Variants in SPOCK1 observed in about 807,000 individuals in gnomAD.
SPOCK1 encodes the protein SPARC (osteonectin), cwcv and kazal like domains proteoglycan 1.
SPOCK1 carries 23 observed loss-of-function variants against 55.3 expected under a neutral mutation model. That is an observed-to-expected ratio of 0.42 (90% CI 0.30 to 0.59). SPOCK1 has a LOEUF of 0.59. Ranked by LOEUF, SPOCK1 falls within the 20% of genes least tolerant of loss-of-function variation. The pLI is 0.22. For synonymous variants in SPOCK1, 226 were observed against 221.0 expected (o/e 1.02, Z -0.20); for missense variants, 499 against 552.5 (o/e 0.90, Z 0.97).
At chr5:137,020,397 A>G (rs1434705390) in intron 6 of SPOCK1, among the ~76,000 whole-genome samples, 1 of 151,924 alleles carries the variant, frequency 6.6e-6, no homozygotes, top group East Asian at 1.9e-4. Flanking sequence ...GAATCAAAAC[A>G]CAATAAGAGG....
intron 3 of SPOCK1, among the ~76,000 whole-genome samples, chr5:137,213,802 T>G (rs939611129): frequency 6.6e-6 from 1 of 152,170 alleles, no homozygotes; most frequent in African/African-American, 2.4e-5. Flanking sequence ...ATAATGACCT[T>G]CCTCCCATCT....
chr5:136,983,665 A>G (rs1750780489), intron 9 of SPOCK1, among the ~76,000 whole-genome samples: 1 of 151,184 alleles, frequency 6.6e-6, no homozygotes, highest in African/African-American at 2.4e-5. Flanking sequence ...GGTAAGAAGC[A>G]GGTGCTGCTC....
chr5:137,233,404 G>A (rs1000072830), intron 3 of SPOCK1, among the ~76,000 whole-genome samples: 4 of 152,130 alleles, frequency 2.6e-5, no homozygotes, highest in African/African-American at 7.2e-5. Flanking sequence ...TCACAACAGG[G>A]TTCATGTGCC....
intron 3 of SPOCK1, among the ~76,000 whole-genome samples, chr5:137,253,945 C>T (rs1400167762): frequency 6.6e-6 from 1 of 152,230 alleles, no homozygotes. Context: ...TAAAACTATT[C>T]ATAAAGCATT....
At chr5:137,353,158 T>C (rs1459735253) in intron 2 of SPOCK1, among the ~76,000 whole-genome samples, 1 of 152,044 alleles carries the variant, frequency 6.6e-6, no homozygotes, top group Non-Finnish European at 1.5e-5. Flanking sequence ...GGTGGGCGGA[T>C]CGATAGAGCC....
chr5:137,481,823 T>C (rs1401465505), intron 2 of SPOCK1, among the ~76,000 whole-genome samples: 2 of 152,200 alleles, frequency 1.3e-5, no homozygotes, highest in Non-Finnish European at 2.9e-5. Context: ...CTTCCCTGTC[T>C]TCCATTCCCC....
intron 3 of SPOCK1, among the ~76,000 whole-genome samples, chr5:137,228,854 T>C (rs1755998350): frequency 6.6e-6 from 1 of 152,184 alleles, no homozygotes; most frequent in Non-Finnish European, 1.5e-5. Context: ...ACCCAGATAA[T>C]GGATTTACCT....
At chr5:137,121,853 G>C (rs1038138284) in intron 4 of SPOCK1, among the ~76,000 whole-genome samples, 3 of 143,688 alleles carry the variant, frequency 2.1e-5, no homozygotes, top group Non-Finnish European at 4.5e-5. Flanking sequence ...ATAAATATTT[G>C]GTTTTAAATA....
At chr5:137,204,570 T>C (rs997865283) in intron 3 of SPOCK1, among the ~76,000 whole-genome samples, 3 of 151,962 alleles carry the variant, frequency 2.0e-5, no homozygotes, top group African/African-American at 7.3e-5. Context: ...CCCTGTACCA[T>C]AGATTCTACC....
chr5:137,490,012 G>A (rs1030843516), intron 2 of SPOCK1, among the ~76,000 whole-genome samples: 3 of 152,136 alleles, frequency 2.0e-5, no homozygotes, highest in Non-Finnish European at 4.4e-5. Context: ...TGATTATTCC[G>A]TGATTGTTTG....
chr5:137,024,880 G>A (rs987309742), intron 6 of SPOCK1, among the ~76,000 whole-genome samples: 8 of 152,210 alleles, frequency 5.3e-5, no homozygotes, highest in Middle Eastern at 6.8e-3. Flanking sequence ...AGAGATGAAT[G>A]GAAAAATAAA....
chr5:137,466,486 G>A (rs760971767), intron 2 of SPOCK1, among the ~76,000 whole-genome samples: 1 of 152,202 alleles, frequency 6.6e-6, no homozygotes, highest in Non-Finnish European at 1.5e-5. Flanking sequence ...GTCTTTAGGT[G>A]AGGACAGAGC....
chr5:137,385,990 AT>A (rs1751592580), intron 2 of SPOCK1, among the ~76,000 whole-genome samples: 1 of 152,210 alleles, frequency 6.6e-6, no homozygotes, highest in Admixed American at 6.5e-5. Flanking sequence ...GTGCAATTTT[AT>A]TTACAAAAGC....
At chr5:137,205,456 T>C (rs1755501995) in intron 3 of SPOCK1, among the ~76,000 whole-genome samples, 1 of 152,146 alleles carries the variant, frequency 6.6e-6, no homozygotes, top group Non-Finnish European at 1.5e-5. Flanking sequence ...CTACACAACC[T>C]GGTAGGTGGC....
At chr5:137,445,685 T>C (rs980169660) in intron 2 of SPOCK1, among the ~76,000 whole-genome samples, 11 of 152,186 alleles carry the variant, frequency 7.2e-5, no homozygotes, top group Non-Finnish European at 1.3e-4. Flanking sequence ...AATAGCCAGC[T>C]CCTTGGAAGC....
chr5:137,332,468 CGTCA>C (rs1403147458), intron 2 of SPOCK1, among the ~76,000 whole-genome samples: 3 of 152,112 alleles, frequency 2.0e-5, no homozygotes, highest in Non-Finnish European at 4.4e-5. Flanking sequence ...CAAAACCAGC[CGTCA>C]GTAACACTTG....
intron 3 of SPOCK1, among the ~76,000 whole-genome samples, chr5:137,221,041 A>G (rs894252040): frequency 3.3e-5 from 5 of 152,248 alleles, no homozygotes; most frequent in Admixed American, 1.3e-4. Flanking sequence ...ATCTGCTTAA[A>G]TAGGTGTGTC....
intron 2 of SPOCK1, among the ~76,000 whole-genome samples, chr5:137,467,296 A>C (rs1753640437): frequency 1.3e-5 from 2 of 152,256 alleles, no homozygotes; most frequent in Non-Finnish European, 1.5e-5. Flanking sequence ...AGGGGACTAC[A>C]CAAGGGCATG....
chr5:137,081,257 C>T (rs556728040), intron 5 of SPOCK1, among the ~76,000 whole-genome samples: 2 of 152,342 alleles, frequency 1.3e-5, no homozygotes, highest in Non-Finnish European at 2.9e-5. Context: ...CACCTCTCCT[C>T]GCTTACCTAC....
Sources: allele counts gnomAD v4.1 joint callset (sites outside exome capture counted in the v4.1 genomes callset), GRCh38; gene constraint gnomAD v4.1.1; transcripts MANE v1.5; gene names NCBI Gene and HGNC (gene_info 2026-07-23, HGNC 2026-07-21).